RXRA: variants seen among roughly 807,000 people sequenced by gnomAD.
The protein encoded by RXRA is retinoid X receptor alpha, also known as retinoic acid receptor RXR-alpha.
RXRA carries 5 observed loss-of-function variants against 44.5 expected under a neutral mutation model. The ratio of observed to expected loss-of-function variants is 0.11; its 90% CI spans 0.06 to 0.24. The LOEUF (loss-of-function observed/expected upper bound fraction) is 0.24. Ranked by LOEUF, RXRA falls within the 10% of genes least tolerant of loss-of-function variation. RXRA has a pLI of 1.00. For synonymous variants in RXRA, 291 were observed against 271.4 expected, an observed-to-expected ratio of 1.07 and a Z score of -0.71; for missense variants, 412 against 646.5, an observed-to-expected ratio of 0.64 and a Z score of 3.93.
At chr9:134,353,015 C>A (rs1225108159) in intron 1 of RXRA, among the ~76,000 whole-genome samples, 2 of 152,082 alleles carry the variant, frequency 1.3e-5, no homozygotes, top group Non-Finnish European at 2.9e-5. Context: ...CACCCTCCCA[C>A]CACCTGTGCT....
rs370347964 is a variant in RXRA at position 134,431,956 on chromosome 9, G to A, written c.1095G>A (p.Thr365=). ...SKMRDMQMDK[T]ELGCLRAIVL... ...TGCGGGACATGCAGATGGACAAGAC[G>A]GAGCTGGGCTGCCTGCGCGCCATCG... is the stretch of plus-strand genomic sequence containing the variant. The change falls in exon 8 of 10, where the codon ACG becomes ACA. Residue 365 remains threonine, a synonymous_variant. Transcript: ENST00000481739. The A allele has an allele frequency of 5.0e-5, 81 of 1,613,994 alleles. No homozygotes were observed. Among genetic ancestry groups the A allele is most frequent in the Middle Eastern group, 1.7e-4 (1 of 6,058 alleles).
chr9:134,335,478 G>T (rs193122010), intron 1 of RXRA, among the ~76,000 whole-genome samples: 21 of 152,328 alleles, frequency 1.4e-4, no homozygotes, highest in Admixed American at 1.1e-3. Context: ...AGGGATGCCC[G>T]TGCGGGCGTA....
At chr9:134,346,018 T>G (rs868917807) in intron 1 of RXRA, among the ~76,000 whole-genome samples, 16 of 151,948 alleles carry the variant, frequency 1.1e-4, no homozygotes, top group African/African-American at 3.1e-4. Context: ...TAGGGACAGT[T>G]GAGAGTCGGG....
chr9:134,373,570 C>T (rs954156292), intron 1 of RXRA, among the ~76,000 whole-genome samples: 3 of 152,262 alleles, frequency 2.0e-5, no homozygotes, highest in Admixed American at 6.5e-5. Context: ...CTCCCTGGGC[C>T]TACCTTCCTT....
intron 5 of RXRA, among the ~76,000 whole-genome samples, chr9:134,419,961 C>A (rs758497866): frequency 6.6e-6 from 1 of 152,172 alleles, no homozygotes; most frequent in Non-Finnish European, 1.5e-5. Context: ...GATGGTGACC[C>A]GTGTGCCCAC....
At chr9:134,395,354 G>A (rs558531025) in intron 1 of RXRA, among the ~76,000 whole-genome samples, 1 of 152,002 alleles carries the variant, frequency 6.6e-6, no homozygotes, top group Non-Finnish European at 1.5e-5. Flanking sequence ...GGCCGGCCAT[G>A]GGGGGCTGAT....
chr9:134,411,282 C>T (rs929047144), intron 4 of RXRA, among the ~76,000 whole-genome samples: 12 of 152,042 alleles, frequency 7.9e-5, no homozygotes, highest in African/African-American at 1.7e-4. Flanking sequence ...AGCCTGGGGA[C>T]GACACCCCAT....
At chr9:134,434,952 C>G (rs1588312399) in intron 9 of RXRA, among the ~76,000 whole-genome samples, 1 of 152,200 alleles carries the variant, frequency 6.6e-6, no homozygotes, top group Admixed American at 6.5e-5. Context: ...AACCGTGTCC[C>G]CGCTGCCTGC....
At chr9:134,397,593 G>A (rs1313792203) in intron 1 of RXRA, among the ~76,000 whole-genome samples, 1 of 152,220 alleles carries the variant, frequency 6.6e-6, no homozygotes, top group East Asian at 1.9e-4. Context: ...CCCCTGCCGG[G>A]ATCAGGGCCT....
intron 1 of RXRA, chr9:134,380,163 G>A (rs1437542803): frequency 1.0e-6 from 1 of 985,350 alleles, no homozygotes; most frequent in African/African-American, 1.7e-5. Context: ...AGTCAGGGCA[G>A]GTGCGTGTGT....
chr9:134,426,640 C>G lies in RXRA; in HGVS notation c.911-2468C>G, dbSNP rs986429673. ...CACTAGGCCCCTCTGCTGGGCACAC[C>G]AGAGTTTCAGAGGCGAGTCTACCCT... is the stretch of plus-strand genomic sequence containing the variant. On this transcript the variant is annotated intron_variant, in intron 6 of 9. Transcript: ENST00000481739. This position sits in a 1 kb window ranked among gnomAD's most constrained non-coding sequence, Gnocchi z 4.6. The G allele has an allele frequency of 1.0e-6, 1 of 985,314 alleles. No homozygotes were observed. Among genetic ancestry groups the G allele is most frequent in the Non-Finnish European group, 1.2e-6 (1 of 829,940 alleles). 61.0% of individuals were successfully genotyped at this position (985,314 alleles called of 1,614,324 possible).
rs1470424902 is a variant in RXRA, at chr9:134,422,788, C to T, written c.910+983C>T. 3.0e-6 allele frequency: 3 copies of T among 985,350 alleles called. No individual in the cohort carries two copies. The African/African-American group carries it at 5.2e-5, about 17-fold the overall frequency. The allele number at this position is 985,350 out of a possible 1,614,324, so 61.0% of individuals were successfully genotyped here. On this transcript the variant is annotated intron_variant, in intron 6 of 9. Transcript: ENST00000481739. ...CATAAGGAGGTGTACCATGCGGGGT[C>T]TCTCAGTGGCCTTCAGAGAGGTAAT...
intron 1 of RXRA, among the ~76,000 whole-genome samples, chr9:134,382,234 G>A (rs530864559): frequency 2.3e-4 from 35 of 152,190 alleles, no homozygotes; most frequent in African/African-American, 6.3e-4. Flanking sequence ...CCCTGTGGCC[G>A]GCCGCATGTG....
At chr9:134,389,530 C>T (rs1320143896) in intron 1 of RXRA, among the ~76,000 whole-genome samples, 2 of 152,118 alleles carry the variant, frequency 1.3e-5, no homozygotes, top group African/African-American at 4.8e-5. Context: ...CATCTCTATC[C>T]TAGGCCTGGG....
chr9:134,386,407 G>A (rs910479920), intron 1 of RXRA, among the ~76,000 whole-genome samples: 2 of 152,266 alleles, frequency 1.3e-5, no homozygotes, highest in Admixed American at 1.3e-4. Flanking sequence ...GCCAGGTTTG[G>A]TGGCCACTCC....
intron 1 of RXRA, among the ~76,000 whole-genome samples, chr9:134,341,269 T>C (rs1482637625): frequency 1.3e-5 from 2 of 152,188 alleles, no homozygotes; most frequent in Admixed American, 6.5e-5. Context: ...CCCAATATCA[T>C]GTGGCCAGTT....
chr9:134,395,015 G>C (rs1371615644), intron 1 of RXRA, among the ~76,000 whole-genome samples: 1 of 152,208 alleles, frequency 6.6e-6, no homozygotes, highest in Non-Finnish European at 1.5e-5. Flanking sequence ...CGTGGAACCT[G>C]GGGGACCAAA....
chr9:134,392,315 C>T (rs1248074590), intron 1 of RXRA, among the ~76,000 whole-genome samples: 1 of 149,424 alleles, frequency 6.7e-6, no homozygotes, highest in East Asian at 2.1e-4. Context: ...GGTCTGCTCA[C>T]GATGCCCCGG....
At chr9:134,415,985 G>A (rs1259624612) in intron 4 of RXRA, among the ~76,000 whole-genome samples, 4 of 152,202 alleles carry the variant, frequency 2.6e-5, no homozygotes, top group Admixed American at 2.6e-4. Context: ...CCCGCCCTGT[G>A]GGGCGGTGTT....
Sources: allele counts gnomAD v4.1 joint callset (sites outside exome capture counted in the v4.1 genomes callset), GRCh38; gene constraint gnomAD v4.1.1; non-coding constraint Gnocchi (gnomAD v3.1); transcripts MANE v1.5; gene names NCBI Gene and HGNC (gene_info 2026-07-23, HGNC 2026-07-21).